Variants in KIAA1217 observed in about 807,000 individuals in gnomAD.
KIAA1217 encodes sickle tail protein homolog.
Under a neutral mutation model 163.9 loss-of-function variants are expected in KIAA1217, and 88 were observed. The ratio of observed to expected loss-of-function variants is 0.54; its 90% CI spans 0.45 to 0.64. The LOEUF (loss-of-function observed/expected upper bound fraction) is 0.64. Ranked by LOEUF, KIAA1217 falls within the 30% of genes least tolerant of loss-of-function variation. KIAA1217 has a pLI of 0.00. For synonymous variants in KIAA1217, 903 were observed against 923.1 expected (o/e 0.98, Z 0.39); for missense variants, 2,372 against 2,475.0 (o/e 0.96, Z 0.88).
intron 1 of KIAA1217, among the ~76,000 whole-genome samples, chr10:23,894,997 T>G (rs1173449306): frequency 2.0e-5 from 3 of 152,040 alleles, no homozygotes; most frequent in South Asian, 2.1e-4. Context: ...AATTCAAGAT[T>G]GATTAAAGAC....
intron 2 of KIAA1217, among the ~76,000 whole-genome samples, chr10:24,111,535 A>G (rs145614682): frequency 6.6e-6 from 1 of 152,330 alleles, no homozygotes; most frequent in East Asian, 1.9e-4. Context: ...AAAACTATCT[A>G]AAATAGCTTA....
intron 2 of KIAA1217, among the ~76,000 whole-genome samples, chr10:24,099,648 G>T (rs1324014719): frequency 6.8e-6 from 1 of 147,808 alleles, no homozygotes; most frequent in Non-Finnish European, 1.5e-5. Flanking sequence ...GTGCAGGTTT[G>T]TTACATATGT....
At chr10:24,086,897 G>C (rs2061716991) in intron 2 of KIAA1217, among the ~76,000 whole-genome samples, 1 of 152,184 alleles carries the variant, frequency 6.6e-6, no homozygotes. Context: ...TGTCCCGTGG[G>C]AACTGTAATA....
rs528442188 is a variant in KIAA1217, at chr10:23,730,896, G to C, written c.-321+35662G>C. On this transcript the variant is annotated intron_variant, in intron 1 of 18. Transcript: ENST00000376462. ...TTAGTTTCAGAAGGCTTTTTGTTCA[G>C]TTCTTTCAGATTTTCTTCATAGACT... is the stretch of plus-strand genomic sequence containing the variant. Among the ~76,000 whole-genome samples, 18 of 152,190 alleles carry C rather than the reference G, an allele frequency of 1.2e-4. No individual in the cohort carries two copies. The South Asian group carries it at 3.7e-3, about 32-fold the overall frequency.
At chr10:24,158,628 A>G (rs572253890) in intron 2 of KIAA1217, 110 of 509,862 alleles carry the variant, frequency 2.2e-4, no homozygotes, top group Middle Eastern at 2.0e-3. Flanking sequence ...TTACACCACC[A>G]ATCAAAACTT....
At chr10:24,213,603 G>A (rs567782686) in intron 1 of KIAA1217, among the ~76,000 whole-genome samples, 10 of 152,064 alleles carry the variant, frequency 6.6e-5, no homozygotes, top group Non-Finnish European at 1.5e-4. Context: ...CCTCTATGAG[G>A]GCATTAAGTC....
intron 1 of KIAA1217, among the ~76,000 whole-genome samples, chr10:23,887,248 C>A (rs986317489): frequency 7.9e-5 from 12 of 151,656 alleles, no homozygotes; most frequent in African/African-American, 1.9e-4. Context: ...AAATTTAAAG[C>A]ATTATATAAG....
intron 1 of KIAA1217, among the ~76,000 whole-genome samples, chr10:23,698,208 A>G (rs1403388887): frequency 6.6e-6 from 1 of 152,230 alleles, no homozygotes. Flanking sequence ...AACACTGAGA[A>G]GCAATTTGTA....
intron 20 of KIAA1217, 156 bp downstream of exon 20, chr10:24,545,259 G>C: frequency 7.0e-7 from 1 of 1,424,026 alleles, no homozygotes. Flanking sequence ...ATAAACCTTT[G>C]TTACACTTTT....
At chr10:23,925,883 T>C (rs1467532809) in intron 1 of KIAA1217, among the ~76,000 whole-genome samples, 1 of 152,146 alleles carries the variant, frequency 6.6e-6, no homozygotes, top group Non-Finnish European at 1.5e-5. Flanking sequence ...AGCTGAGAAT[T>C]GATGCAAAGT....
At chr10:24,061,861 A>G (rs936718643) in intron 2 of KIAA1217, among the ~76,000 whole-genome samples, 4 of 151,996 alleles carry the variant, frequency 2.6e-5, no homozygotes, top group Non-Finnish European at 5.9e-5. Flanking sequence ...CTTTGTGTAT[A>G]TTTATTTGGG....
intron 2 of KIAA1217, among the ~76,000 whole-genome samples, chr10:24,187,387 G>A (rs562801248): frequency 1.4e-3 from 215 of 152,152 alleles, no homozygotes; most frequent in African/African-American, 4.8e-3. Flanking sequence ...CAGAGGGTCC[G>A]GCTTCCAAAA....
Position 24,091,265 on chromosome 10 carries a change from T to C in KIAA1217, c.-171+83891T>C, listed in dbSNP as rs75356148. 4.4e-3 allele frequency among the ~76,000 whole-genome samples: 676 copies of C among 152,056 alleles called. 14 individuals are homozygous for C. The highest frequency in any genetic ancestry group is 0.016 in the African/African-American group (644 of 41,308). Reference sequence around the variant, plus strand: ...CATTTCAGGTATTTCCCTGAAGGTCTTAAAATGGCAACTTCTTAAACAATG... The same window carrying C: ...CATTTCAGGTATTTCCCTGAAGGTCCTAAAATGGCAACTTCTTAAACAATG... On this transcript the variant is annotated intron_variant, in intron 2 of 18. Coordinates refer to the KIAA1217 transcript ENST00000376462.
intron 2 of KIAA1217, among the ~76,000 whole-genome samples, chr10:24,241,231 TA>T (rs2073055293): frequency 6.6e-6 from 1 of 152,144 alleles, no homozygotes; most frequent in Admixed American, 6.5e-5. Flanking sequence ...TAAACTATCC[TA>T]TACTGCCTGC....
At chr10:24,454,885 A>C (rs949270323) in intron 5 of KIAA1217, among the ~76,000 whole-genome samples, 43 of 151,604 alleles carry the variant, frequency 2.8e-4, no homozygotes, top group African/African-American at 1.0e-3. Context: ...AATCTGCTCC[A>C]CTGCAACACA....
chr10:24,027,118 A>G (rs1158285137), intron 2 of KIAA1217, among the ~76,000 whole-genome samples: 2 of 152,110 alleles, frequency 1.3e-5, no homozygotes, highest in Non-Finnish European at 2.9e-5. Flanking sequence ...CAGAGAAAAT[A>G]TTCCATATAT....
At chr10:24,301,365 A>G (rs933925515) in intron 2 of KIAA1217, among the ~76,000 whole-genome samples, 2 of 152,202 alleles carry the variant, frequency 1.3e-5, no homozygotes, top group Non-Finnish European at 2.9e-5. Flanking sequence ...AGGCTGATAA[A>G]CTTTTTCTTC....
intron 1 of KIAA1217, among the ~76,000 whole-genome samples, chr10:23,935,648 A>G (rs1843496279): frequency 6.6e-6 from 1 of 151,076 alleles, no homozygotes; most frequent in Non-Finnish European, 1.5e-5. Context: ...TGGTATTGAT[A>G]AAACAAATAA....
intron 1 of KIAA1217, among the ~76,000 whole-genome samples, chr10:23,827,140 A>C (rs568677433): frequency 4.6e-5 from 7 of 152,322 alleles, no homozygotes; most frequent in African/African-American, 1.7e-4. Context: ...CCCTGACTAC[A>C]CATCGGAATC....
Sources: gnomAD v4.1 joint callset for allele counts (sites outside exome capture counted in the v4.1 genomes callset) on GRCh38, gnomAD v4.1.1 for gene constraint, MANE v1.5 for transcripts, NCBI Gene and HGNC (gene_info 2026-07-23, HGNC 2026-07-21) for gene names.